ZSWIM5: variants seen among roughly 807,000 people sequenced by gnomAD.
ZSWIM5 encodes zinc finger SWIM domain-containing protein 5.
A neutral mutation model predicts 119.6 loss-of-function variants in ZSWIM5; 55 were observed. The observed-to-expected ratio is 0.46, with a 90% CI of 0.37 to 0.58. The LOEUF (loss-of-function observed/expected upper bound fraction) is 0.58. Ranked by LOEUF, ZSWIM5 falls within the 20% of genes least tolerant of loss-of-function variation. The pLI, the probability that ZSWIM5 is intolerant of heterozygous loss-of-function variation, is 0.00. For synonymous variants in ZSWIM5, 537 were observed against 606.9 expected (o/e 0.88, Z 1.69); for missense variants, 1,193 against 1,512.8 (o/e 0.79, Z 3.51).
chr1:45,022,857 A>G (rs1351603671), intron 11 of ZSWIM5, among the ~76,000 whole-genome samples: 2 of 152,200 alleles, frequency 1.3e-5, no homozygotes, highest in Non-Finnish European at 2.9e-5. Flanking sequence ...TCACCTCTAG[A>G]TTACTTATAA....
intron 1 of ZSWIM5, among the ~76,000 whole-genome samples, chr1:45,129,515 G>A (rs1645642354): frequency 6.6e-6 from 1 of 151,956 alleles, no homozygotes; most frequent in African/African-American, 2.4e-5. Flanking sequence ...TTTTGGTGGG[G>A]AGAAGTCCTA....
At chr1:45,076,013 T>G (rs1180283131) in intron 2 of ZSWIM5, among the ~76,000 whole-genome samples, 1 of 152,100 alleles carries the variant, frequency 6.6e-6, no homozygotes, top group African/African-American at 2.4e-5. Context: ...ATAAAAACTC[T>G]ACAACTTAAC....
At chr1:45,100,522 C>G (rs947724917) in intron 1 of ZSWIM5, among the ~76,000 whole-genome samples, 1 of 152,232 alleles carries the variant, frequency 6.6e-6, no homozygotes, top group African/African-American at 2.4e-5. Context: ...CTACCAATGA[C>G]TTTCTTCACA....
intron 2 of ZSWIM5, among the ~76,000 whole-genome samples, chr1:45,062,995 C>T (rs1487851848): frequency 6.6e-6 from 1 of 152,124 alleles, no homozygotes; most frequent in African/African-American, 2.4e-5. Flanking sequence ...TCGAGGAGTT[C>T]CCAGTGTCTA....
intron 1 of ZSWIM5, among the ~76,000 whole-genome samples, chr1:45,182,296 C>T (rs1401654247): frequency 2.6e-5 from 4 of 151,842 alleles, no homozygotes; most frequent in South Asian, 2.1e-4. Context: ...CCCAGCTACT[C>T]GGGAGGCTGA....
intron 5 of ZSWIM5, among the ~76,000 whole-genome samples, 166 bp downstream of exon 5, chr1:45,050,908 C>T (rs1327479717): frequency 6.6e-6 from 1 of 152,190 alleles, no homozygotes; most frequent in Non-Finnish European, 1.5e-5. Context: ...AAAGCTTATC[C>T]TTACTTAAGG....
chr1:45,034,289 G>A (rs779951698), intron 11 of ZSWIM5, 23 bp downstream of exon 11: 3 of 1,566,562 alleles, frequency 1.9e-6, no homozygotes, highest in Non-Finnish European at 2.6e-6. Context: ...TGATGCTGGA[G>A]CTTAAGGTCT....
At chr1:45,187,722 A>G (rs920128044) in intron 1 of ZSWIM5, among the ~76,000 whole-genome samples, 3 of 152,204 alleles carry the variant, frequency 2.0e-5, no homozygotes, top group African/African-American at 7.2e-5. Flanking sequence ...TAGTATCTAG[A>G]ATGAATAAGG....
At chr1:45,052,492 G>C (rs1463288206) in intron 4 of ZSWIM5, among the ~76,000 whole-genome samples, 1 of 152,152 alleles carries the variant, frequency 6.6e-6, no homozygotes, top group Non-Finnish European at 1.5e-5. Flanking sequence ...ATTTCTGGCT[G>C]GGTGCTGTGG....
chr1:45,131,297 A>C (rs1428895200), intron 1 of ZSWIM5, among the ~76,000 whole-genome samples: 1 of 152,214 alleles, frequency 6.6e-6, no homozygotes, highest in Non-Finnish European at 1.5e-5. Flanking sequence ...ATTGCATATA[A>C]ATTTATAATT....
chr1:45,091,954 C>T (rs905329087), intron 1 of ZSWIM5, among the ~76,000 whole-genome samples: 6 of 151,888 alleles, frequency 4.0e-5, no homozygotes, highest in Non-Finnish European at 7.4e-5. Context: ...AAACAAACCA[C>T]GCTGGTTGTG....
intron 1 of ZSWIM5, among the ~76,000 whole-genome samples, chr1:45,113,615 A>G (rs1047851373): frequency 2.0e-5 from 3 of 152,232 alleles, no homozygotes; most frequent in African/African-American, 7.2e-5. Context: ...ACAGAAGCAG[A>G]AAGATTAGTT....
intron 1 of ZSWIM5, among the ~76,000 whole-genome samples, chr1:45,094,974 C>G (rs1240275901): frequency 6.6e-6 from 1 of 152,086 alleles, no homozygotes; most frequent in East Asian, 1.9e-4. Context: ...TACCGTTTAC[C>G]AACTCCTTTC....
At chr1:45,040,686 G>A in intron 6 of ZSWIM5, 148 bp from the exon 7 acceptor site, 1 of 653,666 alleles carries the variant, frequency 1.5e-6, no homozygotes, top group South Asian at 3.4e-5. Context: ...TTATCTTTAA[G>A]GATATAAAAA....
intron 4 of ZSWIM5, among the ~76,000 whole-genome samples, chr1:45,058,350 C>A (rs1377875688): frequency 2.0e-5 from 3 of 152,152 alleles, no homozygotes; most frequent in Non-Finnish European, 1.5e-5. Flanking sequence ...AGAAGACAAG[C>A]AAAGAGGTTT....
chr1:45,184,567 C>A (rs972281379), intron 1 of ZSWIM5, among the ~76,000 whole-genome samples: 2 of 152,136 alleles, frequency 1.3e-5, no homozygotes, highest in Non-Finnish European at 2.9e-5. Context: ...GATACAAAAT[C>A]AATGTACAAA....
rs149924415 is a variant in ZSWIM5, at chr1:45,107,336, T to G, written c.596-19099A>C. ...AAAAATCTAACATGCATAAAACAAT[T>G]ACTTTAAAAATAGTGATTTAGGCTG... On this transcript the variant is annotated intron_variant, in intron 1 of 13. Coordinates refer to ENST00000359600, the MANE Select transcript of ZSWIM5 (RefSeq NM_020883.2). Among the ~76,000 whole-genome samples the G allele has an allele frequency of 1.1e-3, 171 of 152,136 alleles. 4 individuals are homozygous for G. The East Asian group carries it at 0.03, about 27-fold the overall frequency.
intron 1 of ZSWIM5, among the ~76,000 whole-genome samples, chr1:45,194,974 A>G (rs1646113552): frequency 6.6e-6 from 1 of 152,118 alleles, no homozygotes. Flanking sequence ...TTATAATTGG[A>G]ATTATATTAA....
intron 1 of ZSWIM5, among the ~76,000 whole-genome samples, chr1:45,090,644 A>AAAAAT (rs1453183079): frequency 6.6e-6 from 1 of 151,394 alleles, no homozygotes; most frequent in African/African-American, 2.4e-5. Flanking sequence ...AAAATAAAAT[A>AAAAAT]AAAATAAAAT....
Sources: allele counts gnomAD v4.1 joint callset (sites outside exome capture counted in the v4.1 genomes callset), GRCh38; gene constraint gnomAD v4.1.1; transcripts MANE v1.5; gene names NCBI Gene and HGNC (gene_info 2026-07-23, HGNC 2026-07-21).